ROBO1: variants seen among roughly 807,000 people sequenced by gnomAD.
The protein encoded by ROBO1 is roundabout homolog 1.
ROBO1 carries 149 observed loss-of-function variants against 195.9 expected under a neutral mutation model. The observed-to-expected ratio is 0.76, with a 90% CI of 0.67 to 0.87. ROBO1 has a LOEUF of 0.87. Among genes scored for constraint, ROBO1 ranks in the 40% least tolerant of loss-of-function variants. The pLI is 0.00. For missense variants in ROBO1, 1,933 were observed against 2,068.3 expected (o/e 0.93, Z 1.27); for synonymous variants, 816 against 733.2 (o/e 1.11, Z -1.82).
chr3:79,232,039 A>T (rs1045905267), intron 2 of ROBO1, among the ~76,000 whole-genome samples: 1 of 151,848 alleles, frequency 6.6e-6, no homozygotes, highest in African/African-American at 2.4e-5. Context: ...ACATACACAC[A>T]GGGGCCTATT....
At position 79,614,485 on chromosome 3, in the gene ROBO1, G is replaced by A. The variant is rs527372933; in HGVS notation, c.-50-24524C>T. On this transcript the variant is annotated intron_variant, in intron 1 of 30. Transcript: ENST00000464233. The stretch of plus-strand genomic sequence containing the variant: ...AGTAGCACTTAGAGTAAAATTTAAA[G>A]CATTATAAGAAATAAGTGTGCTTAG... Among the ~76,000 whole-genome samples the A allele has an allele frequency of 1.1e-4, 17 of 152,098 alleles. No homozygotes were observed. The East Asian group carries it at 3.1e-3, about 28-fold the overall frequency.
At chr3:79,230,027 T>A (rs2082293029) in intron 2 of ROBO1, among the ~76,000 whole-genome samples, 1 of 152,098 alleles carries the variant, frequency 6.6e-6, no homozygotes, top group African/African-American at 2.4e-5. Flanking sequence ...AAACTAACCT[T>A]AATTTGCATA....
At chr3:78,742,834 C>T (rs548828685) in intron 5 of ROBO1, among the ~76,000 whole-genome samples, 11 of 152,246 alleles carry the variant, frequency 7.2e-5, no homozygotes, top group African/African-American at 2.6e-4. Context: ...CTTACATTGA[C>T]TAGAAGCTAC....
At chr3:78,654,500 T>C (rs908429316) in intron 18 of ROBO1, among the ~76,000 whole-genome samples, 1 of 152,172 alleles carries the variant, frequency 6.6e-6, no homozygotes, top group Non-Finnish European at 1.5e-5. Context: ...CCTAATACAT[T>C]CTTTGTATCT....
chr3:79,759,744 G>A (rs1704589404), intron 1 of ROBO1, among the ~76,000 whole-genome samples: 1 of 152,132 alleles, frequency 6.6e-6, no homozygotes, highest in Non-Finnish European at 1.5e-5. Flanking sequence ...ATGATTCAGT[G>A]AGATGACCAT....
chr3:79,332,651 CG>C (rs2034494565), intron 2 of ROBO1, among the ~76,000 whole-genome samples: 1 of 150,986 alleles, frequency 6.6e-6, no homozygotes, highest in African/African-American at 2.4e-5. Context: ...ACAGCTACAA[CG>C]TTAAAATTAA....
chr3:78,657,931 A>G (rs1210827619), intron 17 of ROBO1, among the ~76,000 whole-genome samples: 1 of 152,226 alleles, frequency 6.6e-6, no homozygotes, highest in African/African-American at 2.4e-5. Flanking sequence ...CCTCTGGTAC[A>G]CTGAACTATA....
At chr3:78,835,299 A>C (rs1053694679) in intron 4 of ROBO1, among the ~76,000 whole-genome samples, 5 of 152,178 alleles carry the variant, frequency 3.3e-5, no homozygotes, top group African/African-American at 1.2e-4. Context: ...AATCAGTAGA[A>C]AAGTAAATTA....
chr3:78,910,628 A>G (rs1311353743), intron 4 of ROBO1, among the ~76,000 whole-genome samples: 1 of 151,954 alleles, frequency 6.6e-6, no homozygotes, highest in Non-Finnish European at 1.5e-5. Context: ...AAAGAGAGAA[A>G]CGGCAAATGA....
chr3:79,052,941 A>G (rs1001666690), intron 3 of ROBO1, among the ~76,000 whole-genome samples: 2 of 152,068 alleles, frequency 1.3e-5, no homozygotes, highest in African/African-American at 2.4e-5. Flanking sequence ...TCTCTGCTAT[A>G]TTAAACTCCC....
intron 2 of ROBO1, among the ~76,000 whole-genome samples, chr3:79,494,338 T>C (rs1011706463): frequency 5.9e-5 from 9 of 152,214 alleles, no homozygotes; most frequent in Non-Finnish European, 8.8e-5. Context: ...GTAAAGGTTA[T>C]ATATCATAAA....
chr3:78,736,323 A>G (rs2082391486), intron 5 of ROBO1, among the ~76,000 whole-genome samples: 1 of 152,162 alleles, frequency 6.6e-6, no homozygotes, highest in Non-Finnish European at 1.5e-5. Context: ...ATACAGGTGG[A>G]CTTTCATATG....
chr3:79,307,913 A>G, intron 2 of ROBO1, among the ~76,000 whole-genome samples: 1 of 152,278 alleles, frequency 6.6e-6, no homozygotes, highest in South Asian at 2.1e-4. Flanking sequence ...AATATCAGGA[A>G]AAAACCTTAT....
At chr3:78,649,075 A>G (rs1338039994) in intron 19 of ROBO1, among the ~76,000 whole-genome samples, 1 of 151,626 alleles carries the variant, frequency 6.6e-6, no homozygotes, top group Non-Finnish European at 1.5e-5. Flanking sequence ...CAGAGAGTCA[A>G]TGTAATTTAG....
intron 4 of ROBO1, among the ~76,000 whole-genome samples, chr3:78,863,716 G>A (rs765875425): frequency 1.3e-5 from 2 of 152,136 alleles, no homozygotes; most frequent in African/African-American, 2.4e-5. Flanking sequence ...TAGTTAGAAG[G>A]CTAGGGAAAT....
In ROBO1 at chr3:78,793,755, GT is replaced by G. The variant is rs563394602; in HGVS notation, c.500-46856del. ...GAAACTGAAAATAATAAGATATTTAGTTTTTTTTTTTAATTTTGAGATAGTT... is the reference window on the plus strand; with the variant it reads ...GAAACTGAAAATAATAAGATATTTAGTTTTTTTTTTAATTTTGAGATAGTT... On this transcript the variant is annotated intron_variant, in intron 4 of 30. Transcript: ENST00000464233. Among the ~76,000 whole-genome samples, 992 of 146,886 alleles carry G rather than the reference GT, an allele frequency of 6.8e-3. 4 individuals carry two copies. Among genetic ancestry groups the G allele is most frequent in the Middle Eastern group, 0.011 (3 of 282 alleles).
intron 4 of ROBO1, among the ~76,000 whole-genome samples, chr3:78,893,739 C>T (rs554109473): frequency 3.9e-4 from 59 of 151,644 alleles, no homozygotes; most frequent in Admixed American, 1.2e-3. Flanking sequence ...GGCTTTTTTT[C>T]GAATTTCATA....
intron 5 of ROBO1, among the ~76,000 whole-genome samples, chr3:78,728,473 A>G (rs961161534): frequency 1.5e-4 from 22 of 151,454 alleles, no homozygotes; most frequent in African/African-American, 5.3e-4. Flanking sequence ...AAAAAAACCC[A>G]GATTAGTCAG....
intron 4 of ROBO1, among the ~76,000 whole-genome samples, chr3:78,785,605 A>G (rs1399508772): frequency 6.6e-6 from 1 of 152,142 alleles, no homozygotes; most frequent in African/African-American, 2.4e-5. Context: ...TTCCTTCTTA[A>G]CTGAAGATAA....
Sources: gnomAD v4.1 joint callset for allele counts (sites outside exome capture counted in the v4.1 genomes callset) on GRCh38, gnomAD v4.1.1 for gene constraint, MANE v1.5 for transcripts, NCBI Gene and HGNC (gene_info 2026-07-23, HGNC 2026-07-21) for gene names.